DRD3: variants seen among roughly 807,000 people sequenced by gnomAD.
DRD3 encodes the protein dopamine receptor D3.
In DRD3, 19 loss-of-function variants were observed where a neutral mutation model predicts 36.3. The observed-to-expected ratio is 0.52, with a 90% confidence interval of 0.36 to 0.77. The LOEUF (loss-of-function observed/expected upper bound fraction) is 0.77, where lower values mean the gene tolerates loss of function less well. Ranked by LOEUF, DRD3 falls within the 30% of genes least tolerant of loss-of-function variation. DRD3 has a pLI of 0.00. For synonymous variants in DRD3, 195 were observed against 203.7 expected, an observed-to-expected ratio of 0.96 and a Z score of 0.36; for missense variants, 465 against 505.3, an observed-to-expected ratio of 0.92 and a Z score of 0.77.
intron 1 of DRD3, among the ~76,000 whole-genome samples, chr3:114,176,982 C>T (rs2107892836): frequency 6.6e-6 from 1 of 152,212 alleles, no homozygotes. Context: ...GATCACAAAC[C>T]AGTAAATGAT....
At chr3:114,190,409 A>G (rs548776625) in intron 1 of DRD3, among the ~76,000 whole-genome samples, 3 of 85,172 alleles carry the variant, frequency 3.5e-5, no homozygotes, top group Admixed American at 2.8e-4. Flanking sequence ...AGGAAAAAGG[A>G]TAATATATAT....
chr3:114,181,757 G>A (rs989515598), upstream of DRD3, among the ~76,000 whole-genome samples: 1 of 152,192 alleles, frequency 6.6e-6, no homozygotes. Flanking sequence ...TGGTTACTCA[G>A]TGATTTTGTT....
chr3:114,164,684 A>C (rs2077766114), intron 2 of DRD3, among the ~76,000 whole-genome samples: 2 of 152,228 alleles, frequency 1.3e-5, no homozygotes, highest in South Asian at 4.1e-4. Flanking sequence ...TTTCTTAAGC[A>C]TTCTTTATCC....
chr3:114,189,268 A>G (rs2077991176), intron 1 of DRD3, among the ~76,000 whole-genome samples: 1 of 152,242 alleles, frequency 6.6e-6, no homozygotes, highest in African/African-American at 2.4e-5. Context: ...TATTAAGCAC[A>G]CATCAAGAGT....
At chr3:114,130,069 G>A (rs777639883) in intron 6 of DRD3, among the ~76,000 whole-genome samples, 42 of 151,998 alleles carry the variant, frequency 2.8e-4, no homozygotes, top group Admixed American at 2.7e-3. Context: ...GCAACGTAAT[G>A]AGACCCTGTC....
chr3:114,133,516 T>TA (rs371184129), intron 5 of DRD3, among the ~76,000 whole-genome samples: 133,266 of 143,910 alleles, frequency 0.93, 61,611 homozygotes, highest in Middle Eastern at 0.97. Flanking sequence ...TAATAGAAAT[T>TA]AAAAAAAAAA....
intron 1 of DRD3, among the ~76,000 whole-genome samples, chr3:114,198,068 A>G (rs2107909662): frequency 6.6e-6 from 1 of 152,306 alleles, no homozygotes; most frequent in Non-Finnish European, 1.5e-5. Flanking sequence ...CTTTTAACAC[A>G]TAAACAAAAG....
At chr3:114,142,353 T>C (rs2654762) in intron 4 of DRD3, among the ~76,000 whole-genome samples, 146,629 of 152,278 alleles carry the variant, frequency 0.96, 70,850 homozygotes, top group East Asian at 1. Context: ...CATCTTGTTG[T>C]CATCCTTGGT....
chr3:114,198,085 T>C (rs2078046752), intron 1 of DRD3, among the ~76,000 whole-genome samples: 1 of 152,174 alleles, frequency 6.6e-6, no homozygotes, highest in Admixed American at 6.5e-5. Flanking sequence ...AAAGTAAATC[T>C]ATTTATTTAG....
chr3:114,128,964 TG>T, intron 6 of DRD3, 52 bp from the exon 7 acceptor site: 1 of 1,480,930 alleles, frequency 6.8e-7, no homozygotes, highest in Non-Finnish European at 9.0e-7. Flanking sequence ...TTACTCCTTT[TG>T]TTATAACATG....
intron 2 of DRD3, 151 bp from the exon 3 acceptor site, chr3:114,160,018 G>C: frequency 1.5e-6 from 1 of 660,644 alleles, no homozygotes; most frequent in Non-Finnish European, 2.7e-6. Context: ...TGGACATCAA[G>C]GGAGTGCCAG....
Position 114,131,243 on chromosome 3 carries a change from A to C in DRD3, c.881T>G (p.Leu294Arg). 4.3e-6 allele frequency: 7 copies of C among 1,614,188 alleles called. No individual in the cohort carries two copies. Among genetic ancestry groups the C allele is most frequent in the Non-Finnish European group, 5.9e-6 (7 of 1,180,036 alleles). Residue 294 changes from leucine (L) to arginine (R), a missense_variant, in exon 6 of 7, where the codon CTC becomes CGC. Coordinates refer to ENST00000383673, the MANE Select transcript of DRD3 (RefSeq NM_000796.6). ...GCTGAGTTTTCGAACTTCTAAGCTG[A>C]GCTTGGGCGCTATGGTGGGACTCAG... ...NSLSPTIAPK[L>R]SLEVRKLSNG... is the part of the protein sequence containing the mutation.
At chr3:114,169,375 AT>A (rs2077817476) in intron 2 of DRD3, among the ~76,000 whole-genome samples, 1 of 149,338 alleles carries the variant, frequency 6.7e-6, no homozygotes, top group African/African-American at 2.5e-5. Context: ...CTTGAAGCAA[AT>A]TGGTAAGACC....
At chr3:114,136,756 C>T (rs934198907) in intron 5 of DRD3, among the ~76,000 whole-genome samples, 2 of 152,224 alleles carry the variant, frequency 1.3e-5, no homozygotes, top group African/African-American at 4.8e-5. Flanking sequence ...ATACTGTTCT[C>T]ATATCTAACA....
intron 5 of DRD3, among the ~76,000 whole-genome samples, chr3:114,137,984 C>T (rs1189434778): frequency 1.7e-5 from 2 of 115,850 alleles, no homozygotes; most frequent in Admixed American, 1.2e-4. Context: ...GGCCACAGAG[C>T]GAGACTCCGT....
chr3:114,149,443 G>C (rs1348030566), intron 3 of DRD3, among the ~76,000 whole-genome samples: 1 of 152,102 alleles, frequency 6.6e-6, no homozygotes, highest in Non-Finnish European at 1.5e-5. Context: ...CTGCTGCCAG[G>C]TTCCAAAAAT....
At chr3:114,190,435 TATATATATATATATATATATATATATA>T (rs1229830613) in intron 1 of DRD3, among the ~76,000 whole-genome samples, 868 of 10,122 alleles carry the variant, frequency 0.086, 48 homozygotes, top group African/African-American at 0.28. Flanking sequence ...TATATATATA[TATATATATATATATATATATATATATA>T]TTTTTTTTTT....
At chr3:114,152,379 A>G (rs1280092004) in intron 3 of DRD3, among the ~76,000 whole-genome samples, 2 of 152,242 alleles carry the variant, frequency 1.3e-5, no homozygotes, top group East Asian at 1.9e-4. Context: ...AAGCAAGTGC[A>G]TCTTATGATT....
intron 1 of DRD3, among the ~76,000 whole-genome samples, chr3:114,196,623 C>T (rs925045166): frequency 2.7e-5 from 4 of 150,380 alleles, no homozygotes; most frequent in African/African-American, 1.0e-4. Flanking sequence ...TGTTCCAGCT[C>T]TACATCCTTA....
Sources: gnomAD v4.1 joint callset for allele counts (sites outside exome capture counted in the v4.1 genomes callset) on GRCh38, gnomAD v4.1.1 for gene constraint, MANE v1.5 for transcripts, NCBI Gene and HGNC (gene_info 2026-07-23, HGNC 2026-07-21) for gene names.